CASQ2: variants seen among roughly 807,000 people sequenced by gnomAD.
CASQ2 encodes the protein calsequestrin 2.
CASQ2 carries 49 observed loss-of-function variants against 46.5 expected under a neutral mutation model. The ratio of observed to expected loss-of-function variants is 1.05; its 90% confidence interval spans 0.84 to 1.34. CASQ2 has a LOEUF of 1.34. CASQ2 is among the 40% of genes most tolerant of loss of function. The pLI is 0.00. For missense variants in CASQ2, 486 were observed against 481.3 expected, an observed-to-expected ratio of 1.01 and a Z score of -0.09; for synonymous variants, 174 against 168.5, an observed-to-expected ratio of 1.03 and a Z score of -0.25.
In CASQ2 at chr1:115,747,668, C is replaced by T. The variant is rs181689656; in HGVS notation, c.235-2756G>A. Among the ~76,000 whole-genome samples, 80 of 152,258 alleles carry T rather than the reference C, an allele frequency of 5.3e-4. 1 individual carries two copies. The highest frequency in any genetic ancestry group is 1.8e-3 in the African/African-American group (76 of 41,556). ...TCTTTCATCAGCATTGTATAGTTTT[C>T]AGCCTACAAGTCTGGCACACATTTT... On this transcript the variant is annotated intron_variant, in intron 1 of 10. Transcript: ENST00000261448.
chr1:115,724,562 T>C (rs1647506497), intron 7 of CASQ2, among the ~76,000 whole-genome samples: 1 of 152,234 alleles, frequency 6.6e-6, no homozygotes, highest in Admixed American at 6.5e-5. Context: ...TCCACAGCCT[T>C]TGTTATTTAT....
At chr1:115,768,244 G>T in intron 1 of CASQ2, 64 bp downstream of exon 1, 1 of 1,069,040 alleles carries the variant, frequency 9.4e-7, no homozygotes, top group Non-Finnish European at 1.5e-6. Flanking sequence ...CCAACCCCTG[G>T]CCAAAGGCAT....
At chr1:115,727,840 A>C (rs1647646824) in intron 5 of CASQ2, among the ~76,000 whole-genome samples, 1 of 152,236 alleles carries the variant, frequency 6.6e-6, no homozygotes, top group Admixed American at 6.5e-5. Context: ...CAACAGATAA[A>C]GAGCTCGGAG....
At chr1:115,768,126 C>T (rs1649193500) in intron 1 of CASQ2, among the ~76,000 whole-genome samples, 182 bp downstream of exon 1, 1 of 152,146 alleles carries the variant, frequency 6.6e-6, no homozygotes, top group Admixed American at 6.5e-5. Flanking sequence ...TTAGGACCCA[C>T]CCCTCATTGT....
chr1:115,761,137 C>T (rs990780288), intron 1 of CASQ2, among the ~76,000 whole-genome samples: 1 of 151,560 alleles, frequency 6.6e-6, no homozygotes, highest in African/African-American at 2.4e-5. Flanking sequence ...AGGTGCTCGG[C>T]TCTCAGTTTT....
chr1:115,760,339 T>C (rs1255635792), intron 1 of CASQ2, among the ~76,000 whole-genome samples: 2 of 152,238 alleles, frequency 1.3e-5, no homozygotes, highest in Non-Finnish European at 1.5e-5. Flanking sequence ...AGTTTGATTC[T>C]GAGATATGGC....
Position 115,768,415 on chromosome 1 carries a change from T to C in CASQ2, c.127A>G (p.Lys43Glu). 6.2e-7 allele frequency: 1 copy of C among 1,613,980 alleles called. No homozygotes were observed. The highest frequency in any genetic ancestry group is 8.5e-7 in the Non-Finnish European group (1 of 1,179,830). Residue 43 changes from lysine (K) to glutamate (E), a missense_variant, in exon 1 of 11, where the codon AAG (lysine) becomes GAG (glutamate). Transcript: ENST00000261448. ...RVVSLSEKNF[K>E]QVLKKYDLLC... ...AAGTCATATTTCTTTAAAACCTGCT[T>C]GAAGTTCTTCTCGGAAAGACTTACC...
At chr1:115,717,629 A>G (rs899294919) in intron 8 of CASQ2, among the ~76,000 whole-genome samples, 3 of 152,228 alleles carry the variant, frequency 2.0e-5, no homozygotes, top group East Asian at 1.9e-4. Flanking sequence ...CTGGTAGTCT[A>G]TAACATTCTG....
chr1:115,718,761 T>C (rs1435480353), intron 7 of CASQ2, among the ~76,000 whole-genome samples: 4 of 152,094 alleles, frequency 2.6e-5, no homozygotes, highest in African/African-American at 7.2e-5. Context: ...CAAGGCGCAT[T>C]TCATGTCTCT....
chr1:115,730,985 G>A (rs2101083697), intron 5 of CASQ2, among the ~76,000 whole-genome samples: 1 of 152,170 alleles, frequency 6.6e-6, no homozygotes, highest in East Asian at 1.9e-4. Context: ...ATGCCTTCTG[G>A]ACTCCACCAT....
chr1:115,711,939 T>TTTTG (rs538327684), intron 8 of CASQ2, among the ~76,000 whole-genome samples: 267 of 151,734 alleles, frequency 1.8e-3, no homozygotes, highest in African/African-American at 5.8e-3. Flanking sequence ...GGCGTAAGGG[T>TTTTG]TTTGTTTGTT....
intron 1 of CASQ2, among the ~76,000 whole-genome samples, chr1:115,747,290 T>A (rs1176872570): frequency 6.6e-6 from 1 of 152,230 alleles, no homozygotes; most frequent in Non-Finnish European, 1.5e-5. Context: ...CATATTCATG[T>A]GGGTCTATTT....
At chr1:115,730,454 A>G (rs1459006553) in intron 5 of CASQ2, among the ~76,000 whole-genome samples, 1 of 152,220 alleles carries the variant, frequency 6.6e-6, no homozygotes. Flanking sequence ...CCCTGGCACT[A>G]AGAAGAGTGC....
rs967682583 is a variant in CASQ2, at chr1:115,701,172, C to T, written c.*69G>A. On this transcript the variant is annotated 3_prime_UTR_variant, in exon 11 of 11. Coordinates refer to ENST00000261448, the MANE Select transcript of CASQ2 (RefSeq NM_001232.4). ...GGGTGTGGGGCAGAATTGCTTGCTG[C>T]CACCTTGTGCTGTCTGTATGGTAGT... is the stretch of plus-strand genomic sequence containing the variant. The T allele has an allele frequency of 1.9e-6, 3 of 1,612,134 alleles. No individual in the cohort carries two copies. The highest frequency in any genetic ancestry group is 2.5e-6 in the Non-Finnish European group (3 of 1,179,766).
intron 3 of CASQ2, 68 bp from the exon 4 acceptor site, chr1:115,738,403 G>C: frequency 9.9e-7 from 1 of 1,006,780 alleles, no homozygotes; most frequent in South Asian, 1.3e-5. Context: ...GGGAAACAGA[G>C]TGCATTGGAG....
intron 7 of CASQ2, among the ~76,000 whole-genome samples, chr1:115,718,471 C>G (rs950081482): frequency 6.6e-6 from 1 of 152,180 alleles, no homozygotes; most frequent in African/African-American, 2.4e-5. Flanking sequence ...GTTGTTCACA[C>G]AAGAATCACA....
intron 7 of CASQ2, among the ~76,000 whole-genome samples, chr1:115,722,130 G>T (rs1452121162): frequency 3.3e-5 from 5 of 152,134 alleles, no homozygotes; most frequent in Admixed American, 2.0e-4. Flanking sequence ...CTTGAATGAG[G>T]GGCTGACTAG....
Position 115,701,106 on chromosome 1 carries a change from G to C in CASQ2, c.*135C>G, listed in dbSNP as rs1654188948. The C allele has an allele frequency of 1.5e-6, 2 of 1,335,928 alleles. No individual in the cohort carries two copies. The highest frequency in any genetic ancestry group is 1.4e-5 in the African/African-American group (1 of 69,428). 82.8% of individuals were successfully genotyped at this position (1,335,928 alleles called of 1,614,324 possible). On this transcript the variant is annotated 3_prime_UTR_variant, in exon 11 of 11. Transcript: ENST00000261448. The stretch of plus-strand genomic sequence containing the variant: ...AATGATGCTGCTCCTGACGCAAAGG[G>C]AGTGGGAAAAGAGATGATGGAAAAG...
chr1:115,720,065 G>A (rs1487520382), intron 7 of CASQ2, among the ~76,000 whole-genome samples: 1 of 152,100 alleles, frequency 6.6e-6, no homozygotes, highest in African/African-American at 2.4e-5. Context: ...AAGAATCAAA[G>A]TGTCTTACCT....
Sources: gnomAD v4.1 joint callset for allele counts (sites outside exome capture counted in the v4.1 genomes callset) on GRCh38, gnomAD v4.1.1 for gene constraint, MANE v1.5 for transcripts, NCBI Gene and HGNC (gene_info 2026-07-23, HGNC 2026-07-21) for gene names.